MAGI2: variants seen among roughly 807,000 people sequenced by gnomAD.
The protein encoded by MAGI2 is membrane associated guanylate kinase, WW and PDZ domain containing 2.
In MAGI2, 35 loss-of-function variants were observed where a neutral mutation model predicts 133.3. The observed-to-expected ratio is 0.26, with a 90% CI of 0.20 to 0.35. MAGI2 has a LOEUF of 0.35. Ranked by LOEUF, MAGI2 falls within the 10% of genes least tolerant of loss-of-function variation. The pLI is 1.00. For synonymous variants in MAGI2, 729 were observed against 710.6 expected, an observed-to-expected ratio of 1.03 and a Z score of -0.41; for missense variants, 1,636 against 1,863.4, an observed-to-expected ratio of 0.88 and a Z score of 2.25.
intron 2 of MAGI2, among the ~76,000 whole-genome samples, chr7:78,654,744 TATATAG>T (rs201237368): frequency 0.018 from 1,661 of 92,166 alleles, 22 homozygotes; most frequent in Admixed American, 0.031. Flanking sequence ...TATATATATA[TATATAG>T]CATATATTTT....
At chr7:79,418,624 G>A (rs988600482) in intron 1 of MAGI2, among the ~76,000 whole-genome samples, 14 of 151,832 alleles carry the variant, frequency 9.2e-5, no homozygotes, top group Non-Finnish European at 2.9e-5. Flanking sequence ...CATTTGCCAT[G>A]CTCTGGAATT....
intron 2 of MAGI2, among the ~76,000 whole-genome samples, chr7:78,640,933 T>A (rs895487967): frequency 2.6e-5 from 4 of 152,200 alleles, no homozygotes; most frequent in African/African-American, 9.7e-5. Context: ...AATCCCTGCA[T>A]GTCATGGGAG....
At chr7:78,935,432 C>T (rs978394086) in intron 2 of MAGI2, among the ~76,000 whole-genome samples, 2 of 152,086 alleles carry the variant, frequency 1.3e-5, no homozygotes, top group Non-Finnish European at 2.9e-5. Flanking sequence ...ACACTAGTTT[C>T]CCACCTCTAC....
At chr7:79,214,814 A>G (rs1829878637) in intron 1 of MAGI2, among the ~76,000 whole-genome samples, 2 of 143,550 alleles carry the variant, frequency 1.4e-5, no homozygotes, top group African/African-American at 5.1e-5. Flanking sequence ...ATATAAATAC[A>G]TTATATTTAT....
chr7:78,293,767 G>T (rs1185189979), intron 9 of MAGI2, among the ~76,000 whole-genome samples: 24 of 152,204 alleles, frequency 1.6e-4, no homozygotes, highest in Admixed American at 1.6e-3. Context: ...AAAAAAGGAT[G>T]AGTTCATGTC....
intron 2 of MAGI2, among the ~76,000 whole-genome samples, chr7:78,836,045 G>T (rs944256882): frequency 6.6e-6 from 1 of 152,166 alleles, no homozygotes; most frequent in Non-Finnish European, 1.5e-5. Flanking sequence ...ACAGTAATGG[G>T]TATTCCCGTA....
intron 2 of MAGI2, among the ~76,000 whole-genome samples, chr7:78,837,621 G>T (rs1446886470): frequency 6.6e-6 from 1 of 152,046 alleles, no homozygotes; most frequent in African/African-American, 2.4e-5. Flanking sequence ...AACACTGAAA[G>T]ATTTTATTGT....
chr7:78,034,979 A>G (rs1207876091), intron 21 of MAGI2: 2 of 152,382 alleles, frequency 1.3e-5, no homozygotes, highest in Non-Finnish European at 2.9e-5. Context: ...GGGACTCCAC[A>G]TGGATTCTGT....
rs536965342 is a variant in MAGI2, at chr7:78,091,583, T to C, written c.3568-12498A>G. On this transcript the variant is annotated intron_variant, in intron 20 of 21. Coordinates refer to ENST00000354212, the MANE Select transcript of MAGI2 (RefSeq NM_012301.4). ...TATCTCTGGTTTCTCTTATCCTTAC[T>C]TAAGGTGATGACACTGACCTTTGGG... is the stretch of plus-strand genomic sequence containing the variant. Among the ~76,000 whole-genome samples the C allele has an allele frequency of 2.6e-4, 40 of 152,322 alleles. 2 individuals are homozygous for C. In the South Asian group the frequency reaches 8.3e-3, roughly 32 times the overall value.
chr7:78,977,471 GAAAGAAAGA>G (rs1421040108), intron 2 of MAGI2, among the ~76,000 whole-genome samples: 1 of 844 alleles, frequency 1.2e-3, no homozygotes, highest in African/African-American at 3.5e-3. Flanking sequence ...AAGAAAGAAA[GAAAGAAAGA>G]AAGAAAGAAA....
At chr7:78,142,526 A>G (rs1405532366) in intron 16 of MAGI2, among the ~76,000 whole-genome samples, 1 of 152,160 alleles carries the variant, frequency 6.6e-6, no homozygotes. Flanking sequence ...TTCTTCACAT[A>G]TTTATTGAAG....
chr7:78,045,635 C>G (rs770219340), intron 21 of MAGI2, among the ~76,000 whole-genome samples: 39 of 152,136 alleles, frequency 2.6e-4, no homozygotes, highest in Non-Finnish European at 5.0e-4. Context: ...CAGTTCCAGT[C>G]AACAATTTTA....
intron 3 of MAGI2, among the ~76,000 whole-genome samples, chr7:78,607,024 A>T (rs1805886254): frequency 6.6e-6 from 1 of 152,226 alleles, no homozygotes; most frequent in South Asian, 2.1e-4. Context: ...AATTATATTA[A>T]CAATAGCCCA....
At chr7:79,189,312 CAAAAAAAAA>C (rs34814587) in intron 1 of MAGI2, among the ~76,000 whole-genome samples, 2 of 74,312 alleles carry the variant, frequency 2.7e-5, no homozygotes, top group East Asian at 4.1e-4. Flanking sequence ...TTTTTATAGG[CAAAAAAAAA>C]AAAAAAAAAA....
intron 2 of MAGI2, among the ~76,000 whole-genome samples, chr7:78,754,288 T>A (rs1823733886): frequency 6.6e-6 from 1 of 151,522 alleles, no homozygotes; most frequent in African/African-American, 2.4e-5. Context: ...GGAGGATCAC[T>A]TGCACCCAGG....
chr7:78,285,750 G>T lies in MAGI2; in HGVS notation c.1409-29169C>A, dbSNP rs553962876. On this transcript the variant is annotated intron_variant, in intron 9 of 21. Transcript: ENST00000354212. ...GGCGTTTTCTGATCAGGACATCTGC[G>T]TGGGGTCCAAGATTCTGCATACCTT... The T allele has an allele frequency of 2.0e-5, 3 of 152,234 alleles. No individual in the cohort carries two copies. The East Asian group carries it at 5.8e-4, about 29-fold the overall frequency. The allele number at this position is 152,234 out of a possible 1,614,324, so 9.4% of individuals were successfully genotyped here. A position where few individuals can be genotyped will look rare whatever the true frequency, so the allele number is the denominator to read the frequency against.
intron 6 of MAGI2, among the ~76,000 whole-genome samples, chr7:78,376,946 A>G (rs758642005): frequency 6.6e-6 from 1 of 152,290 alleles, no homozygotes; most frequent in Middle Eastern, 3.4e-3. Context: ...AGGGCTGGCT[A>G]CAAAGAAAGA....
chr7:79,165,093 A>G (rs1053994085), intron 1 of MAGI2, among the ~76,000 whole-genome samples: 3 of 151,960 alleles, frequency 2.0e-5, no homozygotes, highest in African/African-American at 7.2e-5. Flanking sequence ...GCCACAATAA[A>G]TATTTACACA....
At chr7:78,527,345 CT>C (rs1470527052) in intron 3 of MAGI2, among the ~76,000 whole-genome samples, 1 of 152,116 alleles carries the variant, frequency 6.6e-6, no homozygotes, top group African/African-American at 2.4e-5. Flanking sequence ...CTTCTGCTTT[CT>C]CTGTAGTCAA....
Sources: allele counts gnomAD v4.1 joint callset (sites outside exome capture counted in the v4.1 genomes callset), GRCh38; gene constraint gnomAD v4.1.1; transcripts MANE v1.5; gene names NCBI Gene and HGNC (gene_info 2026-07-23, HGNC 2026-07-21).